ZHX3: variants seen among roughly 807,000 people sequenced by gnomAD.
ZHX3 encodes zinc fingers and homeoboxes 3.
In ZHX3, 20 loss-of-function variants were observed where a neutral mutation model predicts 64.5. The observed-to-expected ratio is 0.31, with a 90% CI of 0.22 to 0.45. The LOEUF (loss-of-function observed/expected upper bound fraction) is 0.45, where lower values mean the gene tolerates loss of function less well. ZHX3 is among the 20% of genes least tolerant of loss of function. The probability of loss-of-function intolerance (pLI) is 1.00; values close to 1 mark genes in which losing one functional copy is unlikely to be tolerated. For missense variants in ZHX3, 1,041 were observed against 1,195.8 expected (o/e 0.87, Z 1.91); for synonymous variants, 423 against 461.6 (o/e 0.92, Z 1.07).
chr20:41,268,189 C>G (rs550020503), intron 2 of ZHX3, among the ~76,000 whole-genome samples: 240 of 152,290 alleles, frequency 1.6e-3, no homozygotes, highest in Non-Finnish European at 3.0e-3. Context: ...GAACTTCCAG[C>G]ATCACACATC....
chr20:41,208,617 A>G (rs1412609971), intron 2 of ZHX3, among the ~76,000 whole-genome samples: 9 of 152,208 alleles, frequency 5.9e-5, no homozygotes, highest in Non-Finnish European at 1.3e-4. Flanking sequence ...TAGATGCAGA[A>G]AAGGCCTTTG....
Position 41,288,660 on chromosome 20 carries a change from A to G in ZHX3, c.-244-19577T>C, listed in dbSNP as rs375978310. Among the ~76,000 whole-genome samples the G allele has an allele frequency of 3.6e-4, 55 of 152,292 alleles. 1 individual carries two copies. In the East Asian group the frequency reaches 4.8e-3, roughly 13 times the overall value. On this transcript the variant is annotated intron_variant, in intron 1 of 3. Coordinates refer to ENST00000683867, the MANE Select transcript of ZHX3 (RefSeq NM_001384317.1). ...AATTTTATGACAAATAGGGCCCAAAAGTTTGCCATATATGTAACTACCACT... is the reference window on the plus strand; with the variant it reads ...AATTTTATGACAAATAGGGCCCAAAGGTTTGCCATATATGTAACTACCACT...
intron 2 of ZHX3, among the ~76,000 whole-genome samples, chr20:41,266,237 T>C (rs2042838716): frequency 6.6e-6 from 1 of 152,178 alleles, no homozygotes; most frequent in Non-Finnish European, 1.5e-5. Flanking sequence ...TCATACTTCA[T>C]AGGTAGAAGC....
chr20:41,253,802 C>T (rs1033994441), intron 2 of ZHX3, among the ~76,000 whole-genome samples: 5 of 152,026 alleles, frequency 3.3e-5, no homozygotes, highest in Admixed American at 6.6e-5. Context: ...GGGAATGCAT[C>T]GAAAATACTA....
intron 1 of ZHX3, among the ~76,000 whole-genome samples, chr20:41,313,493 TG>T (rs1354448840): frequency 1.3e-5 from 2 of 151,744 alleles, no homozygotes; most frequent in East Asian, 3.9e-4. Flanking sequence ...AAACTGAACA[TG>T]GTAACACAGC....
At chr20:41,222,288 C>T (rs1251443412) in intron 2 of ZHX3, among the ~76,000 whole-genome samples, 1 of 152,156 alleles carries the variant, frequency 6.6e-6, no homozygotes, top group Non-Finnish European at 1.5e-5. Flanking sequence ...AGGATGACTC[C>T]AAGATTTTTG....
chr20:41,237,659 T>G (rs1374380646), intron 2 of ZHX3, among the ~76,000 whole-genome samples: 1 of 152,166 alleles, frequency 6.6e-6, no homozygotes, highest in East Asian at 1.9e-4. Flanking sequence ...ATATACTTAA[T>G]GTTAAATGAA....
chr20:41,244,033 C>A (rs2041544114), intron 2 of ZHX3, among the ~76,000 whole-genome samples: 1 of 152,054 alleles, frequency 6.6e-6, no homozygotes, highest in African/African-American at 2.4e-5. Context: ...ACATTTAGGG[C>A]TAGATAATCC....
At chr20:41,279,593 C>G (rs2146679091) in intron 1 of ZHX3, among the ~76,000 whole-genome samples, 1 of 152,108 alleles carries the variant, frequency 6.6e-6, no homozygotes, top group African/African-American at 2.4e-5. Context: ...ATGTACTTCT[C>G]CCCTCTCTTA....
At chr20:41,288,221 T>C (rs1405995746) in intron 1 of ZHX3, among the ~76,000 whole-genome samples, 1 of 152,196 alleles carries the variant, frequency 6.6e-6, no homozygotes, top group Non-Finnish European at 1.5e-5. Context: ...GGTTTTGCCA[T>C]GTTGCCCAGG....
chr20:41,296,394 C>T (rs765130709), intron 1 of ZHX3, among the ~76,000 whole-genome samples: 5 of 151,994 alleles, frequency 3.3e-5, no homozygotes, highest in African/African-American at 4.8e-5. Flanking sequence ...CCTGTCACCA[C>T]GGGGATCACC....
intron 3 of ZHX3, among the ~76,000 whole-genome samples, chr20:41,199,908 C>G (rs1343209660): frequency 6.6e-6 from 1 of 152,018 alleles, no homozygotes; most frequent in African/African-American, 2.4e-5. Flanking sequence ...ACCATGTTGG[C>G]CAGGCTGGCC....
At chr20:41,266,626 A>C (rs2042865513) in intron 2 of ZHX3, among the ~76,000 whole-genome samples, 1 of 150,666 alleles carries the variant, frequency 6.6e-6, no homozygotes, top group South Asian at 2.1e-4. Flanking sequence ...GCTCACTGCA[A>C]GCTCCGCCCC....
chr20:41,258,356 A>C (rs573878272), intron 2 of ZHX3, among the ~76,000 whole-genome samples: 4 of 152,152 alleles, frequency 2.6e-5, no homozygotes, highest in African/African-American at 9.7e-5. Context: ...TTTAATATTA[A>C]TACTATTAAC....
At chr20:41,207,383 G>A (rs960930943) in intron 2 of ZHX3, among the ~76,000 whole-genome samples, 1 of 152,130 alleles carries the variant, frequency 6.6e-6, no homozygotes, top group African/African-American at 2.4e-5. Flanking sequence ...CAAATGAACA[G>A]AATATACATT....
At chr20:41,221,003 T>A (rs2039907293) in intron 2 of ZHX3, among the ~76,000 whole-genome samples, 1 of 152,082 alleles carries the variant, frequency 6.6e-6, no homozygotes, top group Non-Finnish European at 1.5e-5. Context: ...ATTTTTCAAT[T>A]GGAAAAACGT....
intron 1 of ZHX3, among the ~76,000 whole-genome samples, chr20:41,301,083 G>A (rs1157452122): frequency 6.6e-6 from 1 of 152,166 alleles, no homozygotes; most frequent in African/African-American, 2.4e-5. Context: ...CAGGAGGTGA[G>A]GAAGTAGAGA....
rs2039798820 is a variant in ZHX3, at chr20:41,219,579, C to A, written c.-150-14513G>T. Among the ~76,000 whole-genome samples the A allele has an allele frequency of 6.6e-6, 1 of 152,204 alleles. No homozygotes were observed. The highest frequency in any genetic ancestry group is 2.4e-5 in the African/African-American group (1 of 41,450). On this transcript the variant is annotated intron_variant, in intron 2 of 3. Transcript: ENST00000683867. This position sits in a 1 kb window ranked among gnomAD's most constrained non-coding sequence, Gnocchi z 5.0. ...AAAACCTTCCTATAAGTTTTATTTGCTAAATTTGTTTTTTCTCTCAAATAG... is the reference window on the plus strand; with the variant it reads ...AAAACCTTCCTATAAGTTTTATTTGATAAATTTGTTTTTTCTCTCAAATAG...
chr20:41,303,450 A>G (rs6072338), intron 1 of ZHX3, among the ~76,000 whole-genome samples: 21,076 of 152,182 alleles, frequency 0.14, 1,682 homozygotes, highest in Non-Finnish European at 0.17. Context: ...GTAATTTTAT[A>G]TTTTACCTGC....
Sources: gnomAD v4.1 joint callset for allele counts (sites outside exome capture counted in the v4.1 genomes callset) on GRCh38, gnomAD v4.1.1 for gene constraint, Gnocchi (gnomAD v3.1) non-coding constraint, MANE v1.5 for transcripts, NCBI Gene and HGNC (gene_info 2026-07-23, HGNC 2026-07-21) for gene names.